The following RUFY4 variants were observed in gnomAD, a reference collection of about 807,000 sequenced individuals.
The protein encoded by RUFY4 is RUN and FYVE domain-containing protein 4.
In RUFY4, 73 loss-of-function variants were observed where a neutral mutation model predicts 69.0. That is an observed-to-expected ratio of 1.06 (90% CI 0.88 to 1.29). The LOEUF is 1.29. Ranked by LOEUF, RUFY4 falls within the 50% of genes most tolerant of loss-of-function variation. RUFY4 has a pLI of 0.00. For missense variants in RUFY4, 770 were observed against 705.6 expected, an observed-to-expected ratio of 1.09 and a Z score of -1.03; for synonymous variants, 287 against 271.8, an observed-to-expected ratio of 1.06 and a Z score of -0.55.
At chr2:218,041,287 T>C (rs1436661277) in intron 2 of RUFY4, among the ~76,000 whole-genome samples, 2 of 152,212 alleles carry the variant, frequency 1.3e-5, no homozygotes, top group Non-Finnish European at 2.9e-5. Flanking sequence ...TATTTCTAGA[T>C]AAATTTTAGA....
At chr2:218,087,647 G>T (rs1381382590) in intron 9 of RUFY4, among the ~76,000 whole-genome samples, 1 of 152,080 alleles carries the variant, frequency 6.6e-6, no homozygotes, top group African/African-American at 2.4e-5. Flanking sequence ...TGGCCAACAT[G>T]CTGAAACCCC....
exon 10 of RUFY4, chr2:218,089,360 C>T: frequency 6.2e-7 from 1 of 1,613,230 alleles, no homozygotes; most frequent in Non-Finnish European, 8.5e-7. Context: ...GGTATCCATG[C>T]AGGTAAAGGG....
intron 2 of RUFY4, among the ~76,000 whole-genome samples, chr2:218,046,837 C>G (rs968690025): frequency 1.3e-5 from 2 of 152,028 alleles, no homozygotes; most frequent in African/African-American, 4.8e-5. Flanking sequence ...AAAATTAATT[C>G]TTTTGACATA....
intron 2 of RUFY4, among the ~76,000 whole-genome samples, chr2:218,044,982 G>T (rs1277995209): frequency 6.6e-6 from 1 of 152,176 alleles, no homozygotes; most frequent in East Asian, 1.9e-4. Context: ...GGGTAGAATT[G>T]TATTTGTGTT....
chr2:218,075,909 T>TC (rs1441148822), intron 7 of RUFY4, among the ~76,000 whole-genome samples, 169 bp downstream of exon 9: 2 of 151,892 alleles, frequency 1.3e-5, no homozygotes, highest in African/African-American at 2.4e-5. Context: ...ATTCTTCAGG[T>TC]CCCCACAGTC....
At chr2:218,089,708 AG>A in intron 10 of RUFY4, 1 of 703,508 alleles carries the variant, frequency 1.4e-6, no homozygotes, top group Non-Finnish European at 2.6e-6. Context: ...GCCTTGGGAG[AG>A]AGGAAAGTGA....
At chr2:218,072,801 G>A in exon 4 of RUFY4, 1 of 1,534,162 alleles carries the variant, frequency 6.5e-7, no homozygotes, top group Non-Finnish European at 8.7e-7. Flanking sequence ...CTGGGGAAAG[G>A]CCGTGCCTTC....
At chr2:218,088,418 A>G (rs139623804) in intron 9 of RUFY4, among the ~76,000 whole-genome samples, 13 of 151,680 alleles carry the variant, frequency 8.6e-5, no homozygotes, top group African/African-American at 2.9e-4. Context: ...TGATCATGCT[A>G]CTGCACTACA....
At chr2:218,072,232 G>A (rs368752883) in intron 2 of RUFY4, 142 bp from the exon 5 acceptor site, 6 of 981,556 alleles carry the variant, frequency 6.1e-6, no homozygotes, top group Non-Finnish European at 8.8e-6. Flanking sequence ...CACACAGCCA[G>A]TAAGGACAGG....
chr2:218,056,937 G>A (rs188144592), intron 2 of RUFY4, among the ~76,000 whole-genome samples: 1 of 152,238 alleles, frequency 6.6e-6, no homozygotes, highest in African/African-American at 2.4e-5. Flanking sequence ...AATTAGCCAG[G>A]CATGGTGGCT....
chr2:218,089,105 G>C, intron 9 of RUFY4, 147 bp from the exon 12 acceptor site: 1 of 640,826 alleles, frequency 1.6e-6, no homozygotes. Context: ...GTGTCCATGT[G>C]ATTCCCTCCA....
chr2:218,085,340 AC>A (rs1689868192), intron 9 of RUFY4, among the ~76,000 whole-genome samples: 1 of 152,022 alleles, frequency 6.6e-6, no homozygotes, highest in Non-Finnish European at 1.5e-5. Context: ...GGAAAATACG[AC>A]CCTAAGCAAA....
At chr2:218,041,849 C>T (rs1377711014) in intron 2 of RUFY4, among the ~76,000 whole-genome samples, 2 of 152,198 alleles carry the variant, frequency 1.3e-5, no homozygotes, top group African/African-American at 4.8e-5. Flanking sequence ...TTTTAATTTA[C>T]TTTAACAATT....
In RUFY4 at chr2:218,061,144, C is replaced by T. The variant is rs1458738056; in HGVS notation, c.-1071+2463C>T. ...ATGTCAGGGAAAAGAACAGGTCGGC[C>T]AAGGCCAGGGTCAGCAGGTAGACAT... On this transcript the variant is annotated intron_variant and NMD_transcript_variant, in intron 3 of 13. Transcript: ENST00000457754. 6 of 464,832 alleles carry T rather than the reference C, an allele frequency of 1.3e-5. No homozygotes were observed. The East Asian group carries it at 1.6e-4, about 12-fold the overall frequency. The allele number at this position is 464,832 out of a possible 1,614,324, so 28.8% of individuals were successfully genotyped here. A position where few individuals can be genotyped will look rare whatever the true frequency, so the allele number is the denominator to read the frequency against.
chr2:218,078,812 T>C (rs1369395320), intron 8 of RUFY4, among the ~76,000 whole-genome samples: 1 of 152,172 alleles, frequency 6.6e-6, no homozygotes, highest in Non-Finnish European at 1.5e-5. Flanking sequence ...ACTTTCTCTA[T>C]AGATCAGCCT....
At chr2:218,072,626 C>G in intron 3 of RUFY4, 127 bp downstream of exon 5, 4 of 1,380,088 alleles carry the variant, frequency 2.9e-6, no homozygotes, top group Non-Finnish European at 3.9e-6. Flanking sequence ...AAGCCCTGCC[C>G]ACAGCACCCC....
chr2:218,090,139 C>A, exon 11 of RUFY4: 1 of 782,200 alleles, frequency 1.3e-6, no homozygotes, highest in South Asian at 1.5e-5. Flanking sequence ...CTCTTCCCAG[C>A]CCTCTTGTTT....
At chr2:218,055,544 C>T (rs1475147299) in intron 2 of RUFY4, among the ~76,000 whole-genome samples, 2 of 152,100 alleles carry the variant, frequency 1.3e-5, no homozygotes, top group Non-Finnish European at 2.9e-5. Flanking sequence ...CTCGTTATTG[C>T]TTTTGTATTG....
At chr2:218,075,540 C>A in exon 7 of RUFY4, 1 of 1,541,792 alleles carries the variant, frequency 6.5e-7, no homozygotes, top group African/African-American at 1.4e-5. Flanking sequence ...GATGCCCAGC[C>A]CCAGAGGGGC....
Sources: allele counts gnomAD v4.1 joint callset (sites outside exome capture counted in the v4.1 genomes callset), GRCh38; gene constraint gnomAD v4.1.1; transcripts MANE v1.5; gene names NCBI Gene and HGNC (gene_info 2026-07-23, HGNC 2026-07-21).